Variants in SPIDR observed in about 807,000 individuals in gnomAD.
SPIDR encodes the protein scaffold protein involved in DNA repair, also known as DNA repair-scaffolding protein.
Under a neutral mutation model 104.6 loss-of-function variants are expected in SPIDR, and 93 were observed. The observed-to-expected ratio is 0.89, with a 90% CI of 0.75 to 1.06. The LOEUF (loss-of-function observed/expected upper bound fraction) is 1.06. SPIDR is among the 50% of genes least tolerant of loss of function. The pLI, the probability that SPIDR is intolerant of heterozygous loss-of-function variation, is 0.00. For missense variants in SPIDR, 1,154 were observed against 1,111.2 expected (o/e 1.04, Z -0.55); for synonymous variants, 431 against 416.9 (o/e 1.03, Z -0.41).
rs2080158061 is a variant in SPIDR, at chr8:47,701,377, A to C, written c.1774-344A>C. 2.0e-5 allele frequency among the ~76,000 whole-genome samples: 3 copies of C among 152,338 alleles called. No individual in the cohort carries two copies. The South Asian group carries it at 6.2e-4, about 32-fold the overall frequency. ...AACCCATGAGGCAGACGTTGTAGTG[A>C]GCCAAGATCGTGCCATTGCACTCCA... On this transcript the variant is annotated intron_variant, in intron 12 of 19. Coordinates refer to ENST00000297423, the MANE Select transcript of SPIDR (RefSeq NM_001080394.4).
chr8:47,386,898 G>GATAT (rs1563810762), intron 5 of SPIDR, among the ~76,000 whole-genome samples: 3 of 78,506 alleles, frequency 3.8e-5, no homozygotes, highest in South Asian at 3.7e-4. Context: ...GAGAAAGAGA[G>GATAT]AGAGAGATAT....
At chr8:47,372,914 C>A (rs1345217057) in intron 5 of SPIDR, among the ~76,000 whole-genome samples, 2 of 152,100 alleles carry the variant, frequency 1.3e-5, no homozygotes, top group East Asian at 1.9e-4. Flanking sequence ...CCAGGTTACA[C>A]CCCTAACAGA....
chr8:47,392,008 A>G (rs2154307770), intron 5 of SPIDR, among the ~76,000 whole-genome samples: 1 of 151,340 alleles, frequency 6.6e-6, no homozygotes, highest in Non-Finnish European at 1.5e-5. Flanking sequence ...AAAAAAAAAA[A>G]AAAAAGAAAG....
At chr8:47,593,284 T>A (rs1265040697) in intron 8 of SPIDR, among the ~76,000 whole-genome samples, 1 of 152,166 alleles carries the variant, frequency 6.6e-6, no homozygotes, top group Non-Finnish European at 1.5e-5. Flanking sequence ...CTTTTCTCTT[T>A]CTCCTCCTTT....
rs1419889648 is a variant in SPIDR at position 47,603,478 on chromosome 8, C to T, written c.1544+4282C>T. On this transcript the variant is annotated intron_variant, in intron 10 of 19. Coordinates refer to ENST00000297423, the MANE Select transcript of SPIDR (RefSeq NM_001080394.4). Reference sequence around the variant, plus strand: ...GAGCAATCATGGCTTACTGCAGCCTCAACCTCCTGGGCTCGAGCAGTCCTT... The same window carrying T: ...GAGCAATCATGGCTTACTGCAGCCTTAACCTCCTGGGCTCGAGCAGTCCTT... 2.0e-5 allele frequency among the ~76,000 whole-genome samples: 3 copies of T among 152,136 alleles called. No homozygotes were observed. In the East Asian group the frequency reaches 5.8e-4, roughly 29 times the overall value.
intron 14 of SPIDR, among the ~76,000 whole-genome samples, chr8:47,703,047 G>A (rs1008729752): frequency 1.3e-5 from 2 of 152,266 alleles, no homozygotes; most frequent in Admixed American, 6.5e-5. Flanking sequence ...ACTATGCCTG[G>A]TTATCAAGAT....
intron 10 of SPIDR, among the ~76,000 whole-genome samples, chr8:47,658,859 C>T (rs956385297): frequency 7.4e-5 from 11 of 149,634 alleles, no homozygotes; most frequent in African/African-American, 2.2e-4. Flanking sequence ...TCGCTTGGAC[C>T]GGCGAGGTGG....
At chr8:47,551,838 C>T (rs563055463) in intron 8 of SPIDR, among the ~76,000 whole-genome samples, 10 of 152,162 alleles carry the variant, frequency 6.6e-5, no homozygotes, top group South Asian at 2.1e-4. Flanking sequence ...GCTCTTGCTT[C>T]TCTAGTTCTT....
intron 5 of SPIDR, among the ~76,000 whole-genome samples, chr8:47,366,939 G>T (rs1197568490): frequency 6.6e-6 from 1 of 152,120 alleles, no homozygotes; most frequent in Non-Finnish European, 1.5e-5. Flanking sequence ...ATTGTGGTAG[G>T]TAGAATTCTA....
intron 8 of SPIDR, among the ~76,000 whole-genome samples, chr8:47,531,180 C>T (rs749138286): frequency 2.0e-5 from 3 of 152,192 alleles, no homozygotes; most frequent in Non-Finnish European, 4.4e-5. Context: ...GCGTGAGTCA[C>T]TGTACCCAAC....
At chr8:47,568,227 C>T (rs558109795) in intron 8 of SPIDR, among the ~76,000 whole-genome samples, 44 of 152,292 alleles carry the variant, frequency 2.9e-4, no homozygotes, top group African/African-American at 9.9e-4. Context: ...TTCCTCATCT[C>T]TTTGATTAGG....
chr8:47,381,916 T>G (rs2059373460), intron 5 of SPIDR, among the ~76,000 whole-genome samples: 1 of 152,252 alleles, frequency 6.6e-6, no homozygotes, highest in East Asian at 1.9e-4. Context: ...TTAGTTACCA[T>G]CCTCCCTTTG....
intron 10 of SPIDR, among the ~76,000 whole-genome samples, chr8:47,601,613 A>G (rs899849766): frequency 2.0e-5 from 3 of 152,192 alleles, no homozygotes; most frequent in African/African-American, 7.2e-5. Context: ...AGAATCGCTT[A>G]AACAGGGAGG....
intron 1 of SPIDR, among the ~76,000 whole-genome samples, chr8:47,275,008 C>G (rs1054785184): frequency 6.6e-6 from 1 of 151,698 alleles, no homozygotes. Context: ...GCCTGTAATC[C>G]CAGCACTTTG....
At chr8:47,430,224 TCTC>T (rs1360074005) in intron 7 of SPIDR, among the ~76,000 whole-genome samples, 1 of 152,154 alleles carries the variant, frequency 6.6e-6, no homozygotes, top group African/African-American at 2.4e-5. Context: ...TAATTTCTCT[TCTC>T]CTTTTTCTTC....
chr8:47,325,867 A>G (rs1029787460), intron 5 of SPIDR, among the ~76,000 whole-genome samples: 3 of 152,170 alleles, frequency 2.0e-5, no homozygotes, highest in Admixed American at 2.0e-4. Context: ...CCTAAGCACT[A>G]TTTTAGGGGA....
chr8:47,549,956 A>C (rs2090166879), intron 8 of SPIDR, among the ~76,000 whole-genome samples: 1 of 152,224 alleles, frequency 6.6e-6, no homozygotes, highest in South Asian at 2.1e-4. Context: ...GGTGTAAAGA[A>C]GGGATCCAGT....
At chr8:47,557,909 C>G (rs1407883855) in intron 8 of SPIDR, among the ~76,000 whole-genome samples, 1 of 152,000 alleles carries the variant, frequency 6.6e-6, no homozygotes, top group Non-Finnish European at 1.5e-5. Context: ...AGCCTGGGTG[C>G]CCTATAGCAG....
intron 5 of SPIDR, among the ~76,000 whole-genome samples, chr8:47,378,411 C>G (rs2058926997): frequency 1.3e-5 from 2 of 152,196 alleles, no homozygotes; most frequent in African/African-American, 2.4e-5. Context: ...TGGAAAAATA[C>G]ATAGGACAAA....
Sources: gnomAD v4.1 joint callset for allele counts (sites outside exome capture counted in the v4.1 genomes callset) on GRCh38, gnomAD v4.1.1 for gene constraint, MANE v1.5 for transcripts, NCBI Gene and HGNC (gene_info 2026-07-23, HGNC 2026-07-21) for gene names.